GPR155: variants seen among roughly 807,000 people sequenced by gnomAD.
The protein encoded by GPR155 is lysosomal cholesterol signaling protein.
Under a neutral mutation model 93.1 loss-of-function variants are expected in GPR155, and 65 were observed. That is an observed-to-expected ratio of 0.70 (90% CI 0.57 to 0.86). GPR155 has a LOEUF of 0.86. Among genes scored for constraint, GPR155 ranks in the 40% least tolerant of loss-of-function variants. GPR155 has a pLI of 0.00. For missense variants in GPR155, 838 were observed against 1,034.8 expected (o/e 0.81, Z 2.61); for synonymous variants, 319 against 360.1 (o/e 0.89, Z 1.29).
At chr2:174,446,175 C>T (rs1282674163) in intron 12 of GPR155, among the ~76,000 whole-genome samples, 1 of 151,816 alleles carries the variant, frequency 6.6e-6, no homozygotes, top group Non-Finnish European at 1.5e-5. Context: ...GGCATGGTGG[C>T]ATGCGCCTGT....
chr2:174,484,068 C>A (rs143087332), intron 1 of GPR155, among the ~76,000 whole-genome samples: 1 of 152,274 alleles, frequency 6.6e-6, no homozygotes, highest in East Asian at 1.9e-4. Flanking sequence ...TGATAGCTGG[C>A]GTGGGTACAA....
At chr2:174,445,794 T>C (rs1031193772) in intron 12 of GPR155, among the ~76,000 whole-genome samples, 3 of 152,220 alleles carry the variant, frequency 2.0e-5, no homozygotes, top group African/African-American at 7.2e-5. Flanking sequence ...TTCTCTATTT[T>C]GTAAGGGTCT....
intron 14 of GPR155, among the ~76,000 whole-genome samples, chr2:174,441,626 C>T (rs988865341): frequency 2.0e-5 from 3 of 151,966 alleles, no homozygotes; most frequent in African/African-American, 4.8e-5. Flanking sequence ...TGTTCCCCAC[C>T]GTGTGTCCAA....
At chr2:174,448,564 T>A (rs1351586422) in intron 11 of GPR155, among the ~76,000 whole-genome samples, 1 of 139,306 alleles carries the variant, frequency 7.2e-6, no homozygotes, top group Non-Finnish European at 1.5e-5. Context: ...GGAGTCTCGC[T>A]CTGTCGCCCA....
intron 15 of GPR155, among the ~76,000 whole-genome samples, chr2:174,436,944 C>T (rs1355120050): frequency 3.3e-5 from 5 of 152,126 alleles, no homozygotes; most frequent in Non-Finnish European, 7.4e-5. Flanking sequence ...TCTTCTTGCC[C>T]TCAGCAGGCA....
At chr2:174,436,496 A>T in intron 15 of GPR155, 80 bp from the exon 16 acceptor site, 1 of 1,324,368 alleles carries the variant, frequency 7.6e-7, no homozygotes, top group East Asian at 2.3e-5. Flanking sequence ...GCAAGAAAAA[A>T]TAGAAGGAAA....
rs753822902 is a variant in GPR155 at position 174,470,400 on chromosome 2, T to G, written c.1016A>C (p.Glu339Ala). The stretch of plus-strand genomic sequence containing the variant: ...GTACTATATACATACAATTTCTACT[T>G]CCATGTTGAATTGTGTTGCAAAGAT... ...VAIFATQFNM[E>A]VEIITSGMVI... Residue 339 changes from glutamate (E) to alanine (A), a missense_variant, in exon 4 of 16, where the codon GAA becomes GCA. Coordinates refer to ENST00000392552, the MANE Select transcript of GPR155 (RefSeq NM_152529.7). 1.9e-6 allele frequency: 3 copies of G among 1,612,650 alleles called. No homozygotes were observed. Among genetic ancestry groups the G allele is most frequent in the Non-Finnish European group, 8.5e-7 (1 of 1,178,914 alleles).
intron 13 of GPR155, among the ~76,000 whole-genome samples, chr2:174,444,821 C>T (rs1322043791): frequency 2.0e-5 from 3 of 151,988 alleles, no homozygotes; most frequent in Non-Finnish European, 2.9e-5. Flanking sequence ...AAGATCACAC[C>T]AAAGTTACTA....
At chr2:174,437,640 T>C (rs1237949367) in intron 15 of GPR155, among the ~76,000 whole-genome samples, 1 of 146,192 alleles carries the variant, frequency 6.8e-6, no homozygotes, top group Non-Finnish European at 1.5e-5. Context: ...TGGAGTGCAA[T>C]GGCACGATCT....
Position 174,468,980 on chromosome 2 carries a change from G to A in GPR155, c.1114C>T (p.Pro372Ser), listed in dbSNP as rs777649014. 5 of 1,613,762 alleles carry A rather than the reference G, an allele frequency of 3.1e-6. No homozygotes were observed. Among genetic ancestry groups the A allele is most frequent in the Non-Finnish European group, 4.2e-6 (5 of 1,179,816 alleles). ...TGGATGGCATATGCCAATGGCTTAG[G>A]GTCCATAGTGGGAAAGGTCAGTAAC... is the stretch of plus-strand genomic sequence containing the variant. ...AWLLTFPTMD[P>S]KPLAYAIQNV... Residue 372 changes from proline (P) to serine (S), a missense_variant, in exon 5 of 16, where the codon CCT (proline) becomes TCT (serine). By Grantham distance (74) the Pro-to-Ser change is moderately conservative. Transcript: ENST00000392552.
intron 12 of GPR155, among the ~76,000 whole-genome samples, chr2:174,445,805 ATTATAT>A (rs773297150): frequency 5.9e-5 from 9 of 152,158 alleles, no homozygotes; most frequent in Non-Finnish European, 8.8e-5. Flanking sequence ...GTAAGGGTCT[ATTATAT>A]GAAGTAGTTA....
chr2:174,431,776 G>T lies in GPR155; in HGVS notation c.*4340C>A, dbSNP rs1315403025. ...GGGCAAACACTAAGAGCCGCATTCT[G>T]CTGCGTAACAAACATATAAAACACT... On this transcript the variant is annotated 3_prime_UTR_variant, in exon 16 of 16. Transcript: ENST00000392552. The T allele has an allele frequency of 2.6e-5, 4 of 152,138 alleles. No individual in the cohort carries two copies. Among genetic ancestry groups the T allele is most frequent in the African/African-American group, 9.7e-5 (4 of 41,436 alleles). The allele number at this position is 152,138 out of a possible 1,614,324, so 9.4% of individuals were successfully genotyped here. A position where few individuals can be genotyped will look rare whatever the true frequency, so the allele number is the denominator to read the frequency against.
chr2:174,463,544 G>T (rs992236800), intron 7 of GPR155, among the ~76,000 whole-genome samples: 9 of 152,106 alleles, frequency 5.9e-5, no homozygotes, highest in African/African-American at 2.2e-4. Flanking sequence ...TCAAGTGAAG[G>T]CCAAATGATA....
chr2:174,461,322 T>G (rs1005722436), intron 9 of GPR155, 80 bp downstream of exon 9: 8 of 817,766 alleles, frequency 9.8e-6, no homozygotes, highest in Non-Finnish European at 1.6e-5. Context: ...AAAGTTAATT[T>G]TAATATAAGT....
At chr2:174,445,417 C>A in intron 12 of GPR155, 1 of 349,084 alleles carries the variant, frequency 2.9e-6, no homozygotes, top group Non-Finnish European at 5.2e-6. Context: ...AGACATGAGC[C>A]ATAATACAGA....
In GPR155 at chr2:174,439,983, C is replaced by T; in HGVS notation, c.2227G>A (p.Val743Ile). The T allele has an allele frequency of 6.2e-7, 1 of 1,611,386 alleles. No homozygotes were observed. Among genetic ancestry groups the T allele is most frequent in the South Asian group, 1.1e-5 (1 of 90,892 alleles). ...CAGGTCATTTTTATTTCCTCTGAAA[C>T]AGGAGAATCCCTGTTTTCTGCTGTG... is the stretch of plus-strand genomic sequence containing the variant. ...KDTAENRDSPVSEEIKMTCQQ... is the reference protein window; with the variant it reads ...KDTAENRDSPISEEIKMTCQQ... Residue 743 changes from valine to isoleucine, a missense_variant, in exon 15 of 16, where the codon GTT becomes ATT. Coordinates refer to ENST00000392552, the MANE Select transcript of GPR155 (RefSeq NM_152529.7).
At chr2:174,470,281 C>T (rs1403441450) in intron 4 of GPR155, 109 bp downstream of exon 4, 21 of 878,334 alleles carry the variant, frequency 2.4e-5, no homozygotes, top group Non-Finnish European at 3.4e-5. Context: ...AGACCCCCGT[C>T]GTCTCTATTT....
chr2:174,486,686 T>G (rs1261225641), intron 1 of GPR155, among the ~76,000 whole-genome samples, 187 bp downstream of exon 1: 1 of 151,988 alleles, frequency 6.6e-6, no homozygotes, highest in African/African-American at 2.4e-5. Context: ...CCGGGTGATC[T>G]CACACGTTCC....
chr2:174,460,154 A>ATT (rs11385015), intron 9 of GPR155, 66 bp from the exon 10 acceptor site: 12,403 of 394,094 alleles, frequency 0.031, 376 homozygotes, highest in African/African-American at 0.1. Context: ...CTTAGGGCAC[A>ATT]TTTTTTTTTT....
Sources: allele counts gnomAD v4.1 joint callset (sites outside exome capture counted in the v4.1 genomes callset), GRCh38; gene constraint gnomAD v4.1.1; transcripts MANE v1.5; gene names NCBI Gene and HGNC (gene_info 2026-07-23, HGNC 2026-07-21).